RNH1: variants seen among roughly 807,000 people sequenced by gnomAD.
The protein encoded by RNH1 is ribonuclease inhibitor.
Under a neutral mutation model 46.1 loss-of-function variants are expected in RNH1, and 38 were observed. The observed-to-expected ratio is 0.82, with a 90% CI of 0.64 to 1.08. The LOEUF (loss-of-function observed/expected upper bound fraction) is 1.08. Among genes scored for constraint, RNH1 ranks in the 50% least tolerant of loss-of-function variants. RNH1 has a pLI of 0.00. For missense variants in RNH1, 577 were observed against 590.7 expected (o/e 0.98, Z 0.24); for synonymous variants, 319 against 279.1 (o/e 1.14, Z -1.43).
At position 500,606 on chromosome 11, in the gene RNH1, A is replaced by T. The variant is rs199662978; in HGVS notation, c.150T>A (p.Ser50=). The T allele has an allele frequency of 1.2e-6, 2 of 1,609,784 alleles. No individual in the cohort carries two copies. The highest frequency in any genetic ancestry group is 2.7e-5 in the African/African-American group (2 of 75,068). The change falls in exon 4 of 11, where the codon TCT becomes TCA. Residue 50 remains serine, a synonymous_variant. Coordinates refer to ENST00000354420, the MANE Select transcript of RNH1 (RefSeq NM_203387.3). ...CCAGTGCAGGGTTGACTCGAAGTGC[A>T]GAGCTGATGTCCTTGCACCGTGCTT... is the stretch of plus-strand genomic sequence containing the variant. ...LTEARCKDIS[S]ALRVNPALAE... is the part of the protein sequence containing the mutation.
intron 10 of RNH1, 29 bp from the exon 11 acceptor site, chr11:494,807 GCCCGTGTCCT>G: frequency 1.2e-6 from 2 of 1,613,244 alleles, no homozygotes; most frequent in Non-Finnish European, 1.7e-6. Flanking sequence ...GGAGGCATGG[GCCCGTGTCCT>G]CCCCCACCCC....
Position 498,625 on chromosome 11 carries a change from A to G in RNH1, c.788T>C (p.Ile263Thr), listed in dbSNP as rs748082950. 6.2e-7 allele frequency: 1 copy of G among 1,612,088 alleles called. No individual in the cohort carries two copies. The highest frequency in any genetic ancestry group is 8.5e-7 in the Non-Finnish European group (1 of 1,179,958). Residue 263 changes from isoleucine to threonine, a missense_variant and splice_region_variant, in exon 8 of 11, where the codon ATC becomes ACC. Physicochemically the swap from Ile to Thr is moderately conservative, Grantham distance 89. Coordinates refer to ENST00000354420, the MANE Select transcript of RNH1 (RefSeq NM_203387.3). ...HPSSRLRTLW[I>T]WECGITAKGC... ...CTTGGCAGTGATGCCACACTCCCAG[A>G]TCCTGCAGGACATGGACCACCACAG...
chr11:502,008 C>T lies in RNH1; in HGVS notation c.101+54G>A. The T allele has an allele frequency of 7.5e-7, 1 of 1,328,354 alleles. No individual in the cohort carries two copies. 82.3% of individuals were successfully genotyped at this position (1,328,354 alleles called of 1,614,324 possible). ...CAATGCACCCTTCAGAGGGAGCCGC[C>T]ACCCGCCAGCCTGCCCCACCAGCAC... On this transcript the variant is annotated intron_variant, in intron 3 of 10. Coordinates refer to ENST00000354420, the MANE Select transcript of RNH1 (RefSeq NM_203387.3). The surrounding 1 kb of genome is among the most constrained non-coding windows in gnomAD (Gnocchi z 5.8).
At chr11:497,696 C>A (rs888730374) in intron 9 of RNH1, among the ~76,000 whole-genome samples, 1 of 132,826 alleles carries the variant, frequency 7.5e-6, no homozygotes, top group Non-Finnish European at 1.8e-5. Context: ...TGCTCACACA[C>A]GGACACTCGT....
rs144130620 is a variant in RNH1 at position 494,873 on chromosome 11, G to A, written c.1298+10C>T. ...CCTGGCCGCACCACCCGCCCAGCGC[G>A]TGCACATACACCAGCTGCTCCAGGA... On this transcript the variant is annotated intron_variant, in intron 10 of 10. Transcript: ENST00000354420. 8.0e-3 allele frequency: 12,932 copies of A among 1,611,640 alleles called. 70 individuals carry two copies. Among genetic ancestry groups the A allele is most frequent in the Admixed American group, 0.011 (676 of 59,804 alleles).
intron 9 of RNH1, 90 bp downstream of exon 9, chr11:497,881 C>T (rs1849319598): frequency 2.9e-6 from 4 of 1,376,826 alleles, no homozygotes; most frequent in Non-Finnish European, 4.0e-6. Context: ...CACTCGTGCT[C>T]ACACAGATAC....
chr11:498,558 G>T lies in RNH1; in HGVS notation c.855C>A (p.Ser285Arg), dbSNP rs950833429. Reference sequence around the variant, plus strand: ...TGCCGGCCAGGCTGAGCTCCTTCAGGCTCTCCTTGGCCCTGAGGACACGGC... The same window carrying T: ...TGCCGGCCAGGCTGAGCTCCTTCAGTCTCTCCTTGGCCCTGAGGACACGGC... The part of the protein sequence containing the change: ...DLCRVLRAKE[S>R]LKELSLAGNE... The change falls in exon 8 of 11, where the codon AGC becomes AGA. Residue 285 changes from serine (S) to arginine (R), a missense_variant. Physicochemically the swap from Ser to Arg is moderately radical, Grantham distance 110. Transcript: ENST00000354420. The T allele has an allele frequency of 2.5e-6, 4 of 1,613,000 alleles. No individual in the cohort carries two copies. Among genetic ancestry groups the T allele is most frequent in the African/African-American group, 1.3e-5 (1 of 74,908 alleles).
At chr11:494,807 G>T in intron 10 of RNH1, 29 bp from the exon 11 acceptor site, 1 of 1,613,244 alleles carries the variant, frequency 6.2e-7, no homozygotes, top group Non-Finnish European at 8.5e-7. Flanking sequence ...GGAGGCATGG[G>T]CCCGTGTCCT....
chr11:496,555 G>C (rs918598128), intron 9 of RNH1, among the ~76,000 whole-genome samples: 2 of 152,228 alleles, frequency 1.3e-5, no homozygotes, highest in Non-Finnish European at 2.9e-5. Context: ...TGTGGTCCCA[G>C]CTACTCGGGA....
intron 1 of RNH1, chr11:505,286 A>G (rs1464072726): frequency 6.6e-6 from 1 of 152,226 alleles, no homozygotes; most frequent in Non-Finnish European, 1.5e-5. Context: ...GCCCTGAAAG[A>G]TGTCCACCTC....
rs377143259 is a variant in RNH1, at chr11:494,917, C to A, written c.1264G>T (p.Val422Phe). Residue 422 changes from valine (V) to phenylalanine (F), a missense_variant, in exon 10 of 11, where the codon GTC becomes TTC. Transcript: ENST00000354420. ...DAGILQLVESVRQPGCLLEQL... is the reference protein window; with the variant it reads ...DAGILQLVESFRQPGCLLEQL... ...TCCAGGAGGCAGCCCGGCTGCCGGA[C>A]GCTCTCCACCAGCTGCAGGATGCCG... 1.2e-6 allele frequency: 2 copies of A among 1,611,052 alleles called. No homozygotes were observed. Among genetic ancestry groups the A allele is most frequent in the South Asian group, 2.2e-5 (2 of 90,820 alleles).
At position 499,088 on chromosome 11, in the gene RNH1, CGT is replaced by C; in HGVS notation, c.539_540del (p.Asn180ArgfsTer4). The C allele has an allele frequency of 1.2e-6, 2 of 1,613,458 alleles. No individual in the cohort carries two copies. Among genetic ancestry groups the C allele is most frequent in the African/African-American group, 2.7e-5 (2 of 75,020 alleles). ...PDFKELTVSN[N>X]DINEAGVRVL... ...ACACGGACGCCAGCCTCATTGATGTCGTTGTTGCTAACCGTGAGCTCCTTGAA... is the reference window on the plus strand; with the variant it reads ...ACACGGACGCCAGCCTCATTGATGTCTGTTGCTAACCGTGAGCTCCTTGAA... On this transcript the variant is annotated frameshift_variant, in exon 6 of 11. Coordinates refer to ENST00000354420, the MANE Select transcript of RNH1 (RefSeq NM_203387.3). LOFTEE classifies it high-confidence loss of function.
chr11:497,734 C>A (rs535943216), intron 9 of RNH1, among the ~76,000 whole-genome samples: 1 of 150,188 alleles, frequency 6.7e-6, no homozygotes, highest in Non-Finnish European at 1.5e-5. Context: ...TGCTCACACA[C>A]GGACCCTCGT....
intron 9 of RNH1, among the ~76,000 whole-genome samples, chr11:496,844 GAC>G (rs1367116183): frequency 6.6e-6 from 1 of 152,264 alleles, no homozygotes; most frequent in Non-Finnish European, 1.5e-5. Flanking sequence ...AAAACATCCT[GAC>G]ACAGGCGGGG....
rs761625752 is a variant in RNH1, at chr11:499,928, A to G, written c.344T>C (p.Leu115Pro). The change falls in exon 5 of 11, where the codon CTG (leucine) becomes CCG (proline). Residue 115 changes from leucine (L) to proline (P), a missense_variant. By Grantham distance (98) the Leu-to-Pro change is moderately conservative. Coordinates refer to ENST00000354420, the MANE Select transcript of RNH1 (RefSeq NM_203387.3). The stretch of plus-strand genomic sequence containing the variant: ...GTTGTCGCTGAGGTGCAGCTCCTGC[A>G]GGGTGGGCAGGGTGCGTAGTGTGCT... ...LSSTLRTLPT[L>P]QELHLSDNLL... The G allele has an allele frequency of 1.9e-6, 3 of 1,611,926 alleles. No individual in the cohort carries two copies. The highest frequency in any genetic ancestry group is 1.7e-5 in the Admixed American group (1 of 59,870).
At chr11:496,537 C>T (rs781230878) in intron 9 of RNH1, among the ~76,000 whole-genome samples, 6 of 152,160 alleles carry the variant, frequency 3.9e-5, no homozygotes, top group Non-Finnish European at 5.9e-5. Flanking sequence ...GGTGTGGTGA[C>T]GGGCGCCTGT....
chr11:497,749 ACT>A (rs1172017327), intron 9 of RNH1, among the ~76,000 whole-genome samples: 1 of 120,254 alleles, frequency 8.3e-6, no homozygotes, highest in Admixed American at 9.9e-5. Flanking sequence ...CCTCGTGCTC[ACT>A]CACGTGCTCA....
chr11:497,495 G>A (rs1434472629), intron 9 of RNH1, among the ~76,000 whole-genome samples: 4 of 139,348 alleles, frequency 2.9e-5, no homozygotes, highest in Non-Finnish European at 6.1e-5. Flanking sequence ...ACACTCACAC[G>A]GACACTCGTG....
intron 1 of RNH1, chr11:506,387 AACAC>A (rs1370581704): frequency 6.6e-6 from 1 of 152,174 alleles, no homozygotes; most frequent in Non-Finnish European, 1.5e-5. Context: ...CTCGCCCAGT[AACAC>A]GACGTGCCTG....
Sources: allele counts gnomAD v4.1 joint callset (sites outside exome capture counted in the v4.1 genomes callset), GRCh38; gene constraint gnomAD v4.1.1; non-coding constraint Gnocchi (gnomAD v3.1); transcripts MANE v1.5; gene names NCBI Gene and HGNC (gene_info 2026-07-23, HGNC 2026-07-21).